SDK2: variants seen among roughly 807,000 people sequenced by gnomAD.
The protein encoded by SDK2 is sidekick cell adhesion molecule 2, also known as protein sidekick-2.
A neutral mutation model predicts 253.9 loss-of-function variants in SDK2; 105 were observed. That is an observed-to-expected ratio of 0.41 (90% CI 0.35 to 0.49). The LOEUF is 0.49. Among genes scored for constraint, SDK2 ranks in the 20% least tolerant of loss-of-function variants. The pLI is 0.06. For synonymous variants in SDK2, 1,249 were observed against 1,234.9 expected (o/e 1.01, Z -0.24); for missense variants, 2,608 against 3,003.0 (o/e 0.87, Z 3.07).
chr17:73,634,115 T>G (rs1173972601), intron 1 of SDK2, among the ~76,000 whole-genome samples: 4 of 152,124 alleles, frequency 2.6e-5, no homozygotes, highest in Admixed American at 6.5e-5. Flanking sequence ...CCTATGGACA[T>G]CAAGAGGGGG....
At chr17:73,559,063 C>T in intron 1 of SDK2, among the ~76,000 whole-genome samples, 1 of 152,194 alleles carries the variant, frequency 6.6e-6, no homozygotes, top group Middle Eastern at 3.2e-3. Context: ...GCACCATCTC[C>T]TCCCCTTTTC....
chr17:73,574,732 C>A (rs2045435397), intron 1 of SDK2, among the ~76,000 whole-genome samples: 1 of 152,240 alleles, frequency 6.6e-6, no homozygotes, highest in African/African-American at 2.4e-5. Flanking sequence ...CCTTCTCCAC[C>A]TCTCTAGACA....
rs961993413 is a variant in SDK2, at chr17:73,538,455, C to A, written c.65-30858G>T. Among the ~76,000 whole-genome samples the A allele has an allele frequency of 1.3e-4, 20 of 152,196 alleles. 1 individual carries two copies. Among genetic ancestry groups the A allele is most frequent in the Admixed American group, 4.6e-4 (7 of 15,280 alleles). On this transcript the variant is annotated intron_variant, in intron 1 of 44. Transcript: ENST00000392650. ...AGAAACCCACCATGTGATGCTGGGG[C>A]CTCGGAGCCCTAACCCAGCCAGGAC...
chr17:73,495,266 C>T (rs565648900), intron 2 of SDK2, among the ~76,000 whole-genome samples: 1 of 152,356 alleles, frequency 6.6e-6, no homozygotes, highest in Non-Finnish European at 1.5e-5. Flanking sequence ...GGGATGCCAG[C>T]ACCTCACTGT....
At chr17:73,380,865 C>T (rs73999012) in intron 34 of SDK2, 29 bp downstream of exon 34, 42 of 1,554,606 alleles carry the variant, frequency 2.7e-5, no homozygotes, top group Non-Finnish European at 3.1e-5. Context: ...CCTGGGCCCG[C>T]GATGAAGCCA....
At chr17:73,626,221 A>G (rs1023876183) in intron 1 of SDK2, among the ~76,000 whole-genome samples, 3 of 152,214 alleles carry the variant, frequency 2.0e-5, no homozygotes, top group African/African-American at 7.2e-5. Context: ...ATTGCGCCTG[A>G]GCGAGCTGGG....
At chr17:73,466,864 A>G (rs1412394607) in intron 3 of SDK2, among the ~76,000 whole-genome samples, 1 of 152,154 alleles carries the variant, frequency 6.6e-6, no homozygotes, top group Non-Finnish European at 1.5e-5. Context: ...CTCATTTTAC[A>G]GATGGGAAAA....
At chr17:73,497,804 C>T (rs12949571) in intron 2 of SDK2, among the ~76,000 whole-genome samples, 28,362 of 152,134 alleles carry the variant, frequency 0.19, 2,955 homozygotes, top group Middle Eastern at 0.26. Flanking sequence ...AAAAACCATT[C>T]GAGGGCTCCA....
At chr17:73,623,829 A>G (rs1302798097) in intron 1 of SDK2, among the ~76,000 whole-genome samples, 1 of 152,202 alleles carries the variant, frequency 6.6e-6, no homozygotes, top group Non-Finnish European at 1.5e-5. Flanking sequence ...TTGCCCTTCA[A>G]TAAGTGATGA....
At chr17:73,604,604 A>G (rs1250035849) in intron 1 of SDK2, among the ~76,000 whole-genome samples, 2 of 152,210 alleles carry the variant, frequency 1.3e-5, no homozygotes, top group Non-Finnish European at 2.9e-5. Flanking sequence ...GGCTGCTGCA[A>G]CAGTCCAGGA....
At position 73,566,753 on chromosome 17, in the gene SDK2, A is replaced by G. The variant is rs74487310; in HGVS notation, c.65-59156T>C. 9.0e-3 allele frequency among the ~76,000 whole-genome samples: 1,369 copies of G among 152,260 alleles called. 24 individuals are homozygous for G. Among genetic ancestry groups the G allele is most frequent in the African/African-American group, 0.032 (1,326 of 41,530 alleles). ...GACACCACTTACAAGTAATAACCCAAGATATCTGGCAAAAGAAATTTCTAA... is the reference window on the plus strand; with the variant it reads ...GACACCACTTACAAGTAATAACCCAGGATATCTGGCAAAAGAAATTTCTAA... On this transcript the variant is annotated intron_variant, in intron 1 of 44. Coordinates refer to ENST00000392650, the MANE Select transcript of SDK2 (RefSeq NM_001144952.2).
At chr17:73,477,038 C>T (rs1042235442) in intron 2 of SDK2, among the ~76,000 whole-genome samples, 11 of 152,246 alleles carry the variant, frequency 7.2e-5, no homozygotes, top group African/African-American at 2.7e-4. Context: ...CCGCCCACTG[C>T]CTTTCCTACC....
chr17:73,539,027 T>G lies in SDK2; in HGVS notation c.65-31430A>C, dbSNP rs2044823667. ...TTCTGTAGAACATAGTGAGCCTCCC[T>G]CTAAGAGGAAGGGGGCAGGTGACCT... On this transcript the variant is annotated intron_variant, in intron 1 of 44. Coordinates refer to ENST00000392650, the MANE Select transcript of SDK2 (RefSeq NM_001144952.2). Among the ~76,000 whole-genome samples the G allele has an allele frequency of 2.0e-5, 3 of 152,216 alleles. No homozygotes were observed. The South Asian group carries it at 6.2e-4, about 32-fold the overall frequency.
rs2046417198 is a variant in SDK2 at position 73,643,008 on chromosome 17, G to A, written c.64+1017C>T. 6.6e-6 allele frequency: 1 copy of A among 152,324 alleles called. No homozygotes were observed. Among genetic ancestry groups the A allele is most frequent in the Middle Eastern group, 3.1e-3 (1 of 320 alleles). 9.4% of individuals were successfully genotyped at this position (152,324 alleles called of 1,614,324 possible). ...CTAGCCCTGCGAGTCCTGGAGCTCGGTCCAGGCTTCGTCTCCCTCCGCCCC... is the reference window on the plus strand; with the variant it reads ...CTAGCCCTGCGAGTCCTGGAGCTCGATCCAGGCTTCGTCTCCCTCCGCCCC... On this transcript the variant is annotated intron_variant, in intron 1 of 44. Coordinates refer to ENST00000392650, the MANE Select transcript of SDK2 (RefSeq NM_001144952.2). This position sits in a 1 kb window ranked among gnomAD's most constrained non-coding sequence, Gnocchi z 6.9.
At chr17:73,614,628 G>A (rs2046025366) in intron 1 of SDK2, among the ~76,000 whole-genome samples, 1 of 57,994 alleles carries the variant, frequency 1.7e-5, no homozygotes, top group Admixed American at 1.7e-4. Flanking sequence ...AGGAGCACAA[G>A]GATTGAAAAG....
chr17:73,524,529 CCAGA>C (rs1370609717), intron 1 of SDK2, among the ~76,000 whole-genome samples: 2 of 152,180 alleles, frequency 1.3e-5, no homozygotes, highest in African/African-American at 4.8e-5. Flanking sequence ...ACACCCACAT[CCAGA>C]CAGAGTGATG....
chr17:73,563,139 C>T (rs1442558046), intron 1 of SDK2, among the ~76,000 whole-genome samples: 1 of 152,266 alleles, frequency 6.6e-6, no homozygotes, highest in East Asian at 1.9e-4. Flanking sequence ...GACTCATGGC[C>T]TCTGGCAAGG....
chr17:73,398,365 G>A lies in SDK2; in HGVS notation c.3158C>T (p.Ala1053Val). 6.2e-7 allele frequency: 1 copy of A among 1,613,984 alleles called. No individual in the cohort carries two copies. Among genetic ancestry groups the A allele is most frequent in the Non-Finnish European group, 8.5e-7 (1 of 1,179,872 alleles). ...GAGGTCGGGCACCTCCATGGAGCGG[G>A]CATCGGGCTCATTGGAGAGCTGGTG... ...LIHQLSNEPD[A>V]RSMEVPDLNP... The change falls in exon 23 of 45, where the codon GCC becomes GTC. Residue 1053 changes from alanine (A) to valine (V), a missense_variant. Physicochemically the swap from Ala to Val is moderately conservative, Grantham distance 64 (BLOSUM62 0). Transcript: ENST00000392650.
In SDK2 at chr17:73,365,151, A is replaced by G. The variant is rs1273557219; in HGVS notation, c.5305+107T>C. On this transcript the variant is annotated intron_variant, in intron 38 of 44. Coordinates refer to ENST00000392650, the MANE Select transcript of SDK2 (RefSeq NM_001144952.2). Reference sequence around the variant, plus strand: ...GTTTCCGTGTTTATAAGATGGGGAGACTCTCACCGAATCTCACTCATGTGT... The same window carrying G: ...GTTTCCGTGTTTATAAGATGGGGAGGCTCTCACCGAATCTCACTCATGTGT... The G allele has an allele frequency of 1.2e-5, 9 of 764,480 alleles. No homozygotes were observed. The Admixed American group carries it at 2.7e-4, about 23-fold the overall frequency. The allele number at this position is 764,480 out of a possible 1,614,324, so 47.4% of individuals were successfully genotyped here.
Sources: allele counts gnomAD v4.1 joint callset (sites outside exome capture counted in the v4.1 genomes callset), GRCh38; gene constraint gnomAD v4.1.1; non-coding constraint Gnocchi (gnomAD v3.1); transcripts MANE v1.5; gene names NCBI Gene and HGNC (gene_info 2026-07-23, HGNC 2026-07-21).